DLGAP2: variants seen among roughly 807,000 people sequenced by gnomAD.
The protein encoded by DLGAP2 is DLG associated protein 2.
In DLGAP2, 26 loss-of-function variants were observed where a neutral mutation model predicts 100.3. That is an observed-to-expected ratio of 0.26 (90% CI 0.19 to 0.36). The LOEUF (loss-of-function observed/expected upper bound fraction) is 0.36. Among genes scored for constraint, DLGAP2 ranks in the 10% least tolerant of loss-of-function variants. The pLI is 1.00. For missense variants in DLGAP2, 1,858 were observed against 1,453.2 expected (o/e 1.28, Z -4.53); for synonymous variants, 886 against 630.1 (o/e 1.41, Z -6.08).
chr8:815,259 C>G (rs2132676435), intron 1 of DLGAP2, among the ~76,000 whole-genome samples: 1 of 152,274 alleles, frequency 6.6e-6, no homozygotes, highest in South Asian at 2.1e-4. Context: ...AGGGTAGTGC[C>G]CTGTGTCTGT....
At chr8:1,431,786 A>C (rs1797450872) in intron 3 of DLGAP2, among the ~76,000 whole-genome samples, 1 of 152,212 alleles carries the variant, frequency 6.6e-6, no homozygotes, top group East Asian at 1.9e-4. Context: ...TTGTAAAATG[A>C]AGACACTGAT....
intron 6 of DLGAP2, chr8:1,604,426 G>A (rs1359379800): frequency 6.6e-6 from 1 of 152,144 alleles, no homozygotes; most frequent in African/African-American, 2.4e-5. Flanking sequence ...CTGGCCCATA[G>A]ACCACCAGGA....
At chr8:1,390,924 C>G (rs1456409609) in intron 3 of DLGAP2, among the ~76,000 whole-genome samples, 2 of 152,202 alleles carry the variant, frequency 1.3e-5, no homozygotes, top group African/African-American at 4.8e-5. Flanking sequence ...CCTCAGAAGC[C>G]AAATTAAACA....
intron 3 of DLGAP2, among the ~76,000 whole-genome samples, chr8:1,414,354 G>T (rs1053063065): frequency 6.6e-6 from 1 of 152,318 alleles, no homozygotes; most frequent in African/African-American, 2.4e-5. Context: ...CCAGGGAGAG[G>T]CAGTGAGGAC....
chr8:1,239,540 C>A (rs1465123968), intron 2 of DLGAP2, among the ~76,000 whole-genome samples: 1 of 115,196 alleles, frequency 8.7e-6, no homozygotes. Context: ...GTGTCTAGTT[C>A]TCTCACATGG....
At chr8:859,196 C>T (rs1487513255) in intron 1 of DLGAP2, among the ~76,000 whole-genome samples, 2 of 151,894 alleles carry the variant, frequency 1.3e-5, no homozygotes, top group African/African-American at 4.8e-5. Context: ...ACTGCAACCT[C>T]CACCTCCTGG....
In DLGAP2 at chr8:1,044,216, C is replaced by A. The variant is rs192339885; in HGVS notation, c.73+136250C>A. Among the ~76,000 whole-genome samples the A allele has an allele frequency of 3.8e-4, 58 of 152,278 alleles. No individual in the cohort carries two copies. In the East Asian group the frequency reaches 9.8e-3, roughly 26 times the overall value. On this transcript the variant is annotated intron_variant, in intron 2 of 14. Transcript: ENST00000637795. Reference sequence around the variant, plus strand: ...TTGAGAGGAACTGGTGGTCATAAAACCCAAAATACGGCAAGTTGTCACTTA... The same window carrying A: ...TTGAGAGGAACTGGTGGTCATAAAAACCAAAATACGGCAAGTTGTCACTTA...
At chr8:1,657,716 T>C (rs1223629252) in intron 8 of DLGAP2, among the ~76,000 whole-genome samples, 1 of 152,234 alleles carries the variant, frequency 6.6e-6, no homozygotes, top group Non-Finnish European at 1.5e-5. Flanking sequence ...CATTTCTTAA[T>C]GTTAATCTCT....
intron 4 of DLGAP2, among the ~76,000 whole-genome samples, chr8:1,530,970 G>A (rs1004886602): frequency 1.1e-4 from 17 of 152,144 alleles, no homozygotes; most frequent in African/African-American, 4.1e-4. Context: ...AACATTTTTG[G>A]ATTCCATATA....
intron 3 of DLGAP2, among the ~76,000 whole-genome samples, chr8:1,291,502 G>A (rs796397122): frequency 5.9e-5 from 9 of 152,272 alleles, no homozygotes; most frequent in Non-Finnish European, 8.8e-5. Context: ...CATATTTCCC[G>A]TGTGGAGGAG....
intron 2 of DLGAP2, among the ~76,000 whole-genome samples, chr8:1,153,881 A>G (rs981009796): frequency 5.0e-4 from 76 of 152,206 alleles, no homozygotes; most frequent in African/African-American, 1.7e-3. Context: ...TATTACTGAC[A>G]TGAAAATCAG....
chr8:1,451,342 C>G (rs1798154919), intron 3 of DLGAP2, among the ~76,000 whole-genome samples: 1 of 152,158 alleles, frequency 6.6e-6, no homozygotes, highest in South Asian at 2.1e-4. Context: ...ACCCCTTTCC[C>G]TGTCCAAGTG....
At chr8:1,215,430 G>A (rs1346393591) in intron 2 of DLGAP2, among the ~76,000 whole-genome samples, 1 of 151,474 alleles carries the variant, frequency 6.6e-6, no homozygotes, top group Non-Finnish European at 1.5e-5. Flanking sequence ...GAGACGTCCA[G>A]GTACCTGGAT....
rs190430560 is a variant in DLGAP2 at position 1,577,242 on chromosome 8, G to A, written c.1442+11348G>A. On this transcript the variant is annotated intron_variant, in intron 6 of 14. Coordinates refer to ENST00000637795, the MANE Select transcript of DLGAP2 (RefSeq NM_001346810.2). Reference sequence around the variant, plus strand: ...AAATCACAACACACTTTTTAACCCCGTAAATACACATACTTTGTCAATATA... The same window carrying A: ...AAATCACAACACACTTTTTAACCCCATAAATACACATACTTTGTCAATATA... Among the ~76,000 whole-genome samples the A allele has an allele frequency of 3.8e-3, 579 of 152,156 alleles. 8 individuals are homozygous for A. Among genetic ancestry groups the A allele is most frequent in the Middle Eastern group, 0.02 (6 of 294 alleles).
chr8:1,604,636 G>T (rs1796736980), intron 6 of DLGAP2: 1 of 152,272 alleles, frequency 6.6e-6, no homozygotes, highest in Non-Finnish European at 1.5e-5. Flanking sequence ...GCATGCGGAA[G>T]ACCGTGATCC....
chr8:1,259,029 A>G (rs961831215), intron 3 of DLGAP2, 146 bp downstream of exon 3: 1 of 650,038 alleles, frequency 1.5e-6, no homozygotes, highest in African/African-American at 1.9e-5. Flanking sequence ...GAACGTGAGT[A>G]AAATAATTGA....
At chr8:1,676,701 C>T (rs987478041) in intron 11 of DLGAP2, 83 bp downstream of exon 11, 12 of 1,378,892 alleles carry the variant, frequency 8.7e-6, no homozygotes, top group African/African-American at 1.4e-5. Flanking sequence ...TAGATCCTGC[C>T]GGCCCTCAAT....
intron 1 of DLGAP2, among the ~76,000 whole-genome samples, chr8:764,909 A>G (rs1408094598): frequency 6.6e-6 from 1 of 152,252 alleles, no homozygotes; most frequent in African/African-American, 2.4e-5. Context: ...TACTCAAAGC[A>G]AAATGAAGAT....
chr8:1,066,998 C>CT (rs1803274718), intron 2 of DLGAP2, among the ~76,000 whole-genome samples: 1 of 152,192 alleles, frequency 6.6e-6, no homozygotes, highest in Non-Finnish European at 1.5e-5. Context: ...CTGGGCCCCC[C>CT]TGATGCCCGA....
Sources: allele counts gnomAD v4.1 joint callset (sites outside exome capture counted in the v4.1 genomes callset), GRCh38; gene constraint gnomAD v4.1.1; transcripts MANE v1.5; gene names NCBI Gene and HGNC (gene_info 2026-07-23, HGNC 2026-07-21).